The following GRIP2 variants were observed in gnomAD, a reference collection of about 807,000 sequenced individuals.
GRIP2 encodes the protein glutamate receptor interacting protein 2.
A neutral mutation model predicts 108.3 loss-of-function variants in GRIP2; 58 were observed. The ratio of observed to expected loss-of-function variants is 0.54; its 90% CI spans 0.43 to 0.67. The LOEUF (loss-of-function observed/expected upper bound fraction) is 0.67, where lower values mean the gene tolerates loss of function less well. Ranked by LOEUF, GRIP2 falls within the 30% of genes least tolerant of loss-of-function variation. The pLI is 0.00. For synonymous variants in GRIP2, 586 were observed against 598.2 expected, an observed-to-expected ratio of 0.98 and a Z score of 0.30; for missense variants, 1,278 against 1,430.6, an observed-to-expected ratio of 0.89 and a Z score of 1.72.
At position 14,521,819 on chromosome 3, in the gene GRIP2, C is replaced by T. The variant is rs184609312; in HGVS notation, c.567-32G>A. The T allele has an allele frequency of 1.3e-5, 20 of 1,542,406 alleles. No individual in the cohort carries two copies. Among genetic ancestry groups the T allele is most frequent in the Middle Eastern group, 2.1e-4 (1 of 4,790 alleles). ...GGAAGGGCCAGTCACCAGCCTGGCC[C>T]GGCAGCAGCACTGGGCACAGCCTGT... On this transcript the variant is annotated intron_variant, in intron 6 of 23. Transcript: ENST00000621039. The surrounding 1 kb of genome is among the most constrained non-coding windows in gnomAD (Gnocchi z 5.1).
At chr3:14,509,065 G>T (rs899872181) in intron 17 of GRIP2, among the ~76,000 whole-genome samples, 3 of 152,098 alleles carry the variant, frequency 2.0e-5, no homozygotes, top group African/African-American at 7.2e-5. Flanking sequence ...TCTGCAGTCT[G>T]CCAGGTGTCC....
the GRIP2 span, among the ~76,000 whole-genome samples, chr3:14,572,292 A>T: frequency 1.3e-5 from 2 of 151,698 alleles, no homozygotes; most frequent in Non-Finnish European, 2.9e-5. Context: ...CTCCCAGGTC[A>T]TTTACTGGCC....
chr3:14,588,267 G>C, the GRIP2 span, among the ~76,000 whole-genome samples: 2 of 152,194 alleles, frequency 1.3e-5, no homozygotes, highest in African/African-American at 4.8e-5. Context: ...GTTTATATTA[G>C]AAGAAACAAA....
At chr3:14,573,538 T>G in the GRIP2 span, 4 of 1,482,292 alleles carry the variant, frequency 2.7e-6, no homozygotes, top group Non-Finnish European at 2.8e-6. Context: ...GAGCAGAGCA[T>G]GGCCTCCTCA....
chr3:14,493,627 C>T lies in GRIP2; in HGVS notation c.*38G>A. The T allele has an allele frequency of 6.5e-7, 1 of 1,529,024 alleles. No individual in the cohort carries two copies. Among genetic ancestry groups the T allele is most frequent in the Non-Finnish European group, 8.8e-7 (1 of 1,131,218 alleles). 94.7% of individuals were successfully genotyped at this position (1,529,024 alleles called of 1,614,324 possible). ...TACGTGTCTGGGAGCCAGGATCTGC[C>T]TGGGTGGCCCCTTAGGAGTTCGGCC... On this transcript the variant is annotated 3_prime_UTR_variant, in exon 24 of 24. Transcript: ENST00000621039.
rs1434318784 is a variant in GRIP2 at position 14,490,006 on chromosome 3, C to T, written c.*3659G>A. The T allele has an allele frequency of 6.6e-6, 1 of 152,184 alleles. No homozygotes were observed. The highest frequency in any genetic ancestry group is 1.5e-5 in the Non-Finnish European group (1 of 68,048). The allele number at this position is 152,184 out of a possible 1,614,324, so 9.4% of individuals were successfully genotyped here. On this transcript the variant is annotated 3_prime_UTR_variant, in exon 24 of 24. Transcript: ENST00000621039. ...GGACAAACTCGGGAGTCAGTTGAGC[C>T]CTTTGCCCAACTAACCAGACAAAAT...
the GRIP2 span, among the ~76,000 whole-genome samples, chr3:14,578,482 C>T: frequency 1.3e-5 from 2 of 152,114 alleles, no homozygotes; most frequent in Non-Finnish European, 2.9e-5. Context: ...GTTGGGAGGC[C>T]GAGGCAGAAG....
At chr3:14,572,871 T>C in the GRIP2 span, 1 of 1,205,776 alleles carries the variant, frequency 8.3e-7, no homozygotes, top group Non-Finnish European at 1.2e-6. Flanking sequence ...AGCATCCAGT[T>C]CGTACTTCTC....
chr3:14,565,771 A>C, the GRIP2 span, among the ~76,000 whole-genome samples: 604 of 152,322 alleles, frequency 4.0e-3, 5 homozygotes, highest in Non-Finnish European at 6.3e-3. Flanking sequence ...GGCAGTCTGC[A>C]GGTCTGTACC....
At chr3:14,541,791 G>T (rs1005653987), upstream of GRIP2, 211 of 994,320 alleles carry the variant, frequency 2.1e-4, 3 homozygotes, top group Admixed American at 2.1e-4. Flanking sequence ...GGGTGGTGAG[G>T]GTCAGATTGC....
the GRIP2 span, among the ~76,000 whole-genome samples, chr3:14,564,140 G>A: frequency 6.6e-6 from 1 of 152,190 alleles, no homozygotes. Flanking sequence ...TTTTCAGTAT[G>A]GGCTAGGGCG....
intron 1 of GRIP2, among the ~76,000 whole-genome samples, chr3:14,539,678 C>T (rs892345483): frequency 6.6e-6 from 1 of 152,172 alleles, no homozygotes; most frequent in Non-Finnish European, 1.5e-5. Context: ...ATGGAACAAT[C>T]GTGTCTGCCC....
At chr3:14,518,379 C>T (rs113629301) in intron 9 of GRIP2, among the ~76,000 whole-genome samples, 9 of 152,304 alleles carry the variant, frequency 5.9e-5, no homozygotes, top group East Asian at 1.9e-4. Flanking sequence ...TTCTGCCCCA[C>T]GACTCTCCAG....
chr3:14,528,708 T>A (rs1267921854), intron 1 of GRIP2, among the ~76,000 whole-genome samples: 1 of 136,882 alleles, frequency 7.3e-6, no homozygotes, highest in Non-Finnish European at 1.6e-5. Context: ...AAAAAAAAAA[T>A]TAGTCATGCT....
the GRIP2 span, among the ~76,000 whole-genome samples, chr3:14,585,725 C>T: frequency 6.6e-6 from 1 of 152,206 alleles, no homozygotes; most frequent in Non-Finnish European, 1.5e-5. Flanking sequence ...ACCAAGCACC[C>T]ACTGCATACC....
chr3:14,511,304 G>A lies in GRIP2; in HGVS notation c.1794C>T (p.Gly598=). ...GTAGCTTGTCGCCTGGCTCCAGGGTGCCCGTCCTGCATGAGTCGGGGGCAG... is the reference window on the plus strand; with the variant it reads ...GTAGCTTGTCGCCTGGCTCCAGGGTACCCGTCCTGCATGAGTCGGGGGCAG... The part of the protein sequence containing the change: ...IKKGSVAHRT[G]TLEPGDKLLA... Residue 598 remains glycine (G), a synonymous_variant, in exon 16 of 24, where the codon GGC becomes GGT. Transcript: ENST00000621039. The surrounding 1 kb of genome is among the most constrained non-coding windows in gnomAD (Gnocchi z 4.1). 2 of 1,614,004 alleles carry A rather than the reference G, an allele frequency of 1.2e-6. No homozygotes were observed. Among genetic ancestry groups the A allele is most frequent in the Non-Finnish European group, 1.7e-6 (2 of 1,179,878 alleles).
At chr3:14,510,150 AG>A (rs1398827626) in intron 16 of GRIP2, among the ~76,000 whole-genome samples, 186 bp from the exon 17 acceptor site, 1 of 152,218 alleles carries the variant, frequency 6.6e-6, no homozygotes, top group African/African-American at 2.4e-5. Context: ...AGTAAAGAAA[AG>A]AAACATCACA....
At chr3:14,567,291 GC>G in the GRIP2 span, among the ~76,000 whole-genome samples, 4 of 152,138 alleles carry the variant, frequency 2.6e-5, no homozygotes, top group Non-Finnish European at 5.9e-5. Context: ...AAGGGAGCAG[GC>G]CCCTAAGACG....
the GRIP2 span, among the ~76,000 whole-genome samples, chr3:14,581,714 G>A: frequency 6.6e-6 from 1 of 152,252 alleles, no homozygotes; most frequent in African/African-American, 2.4e-5. Context: ...CTCTGATGTT[G>A]TCCCTTGAGC....
Sources: gnomAD v4.1 joint callset for allele counts (sites outside exome capture counted in the v4.1 genomes callset) on GRCh38, gnomAD v4.1.1 for gene constraint, Gnocchi (gnomAD v3.1) non-coding constraint, MANE v1.5 for transcripts, NCBI Gene and HGNC (gene_info 2026-07-23, HGNC 2026-07-21) for gene names.